DPP6: variants seen among roughly 807,000 people sequenced by gnomAD.
DPP6 encodes dipeptidyl peptidase like 6, also known as A-type potassium channel modulatory protein DPP6.
A neutral mutation model predicts 122.6 loss-of-function variants in DPP6; 69 were observed. The observed-to-expected ratio is 0.56, with a 90% confidence interval of 0.46 to 0.69. The LOEUF (loss-of-function observed/expected upper bound fraction) is 0.69, where lower values mean the gene tolerates loss of function less well. Among genes scored for constraint, DPP6 ranks in the 30% least tolerant of loss-of-function variants. DPP6 has a pLI of 0.00. For synonymous variants in DPP6, 418 were observed against 433.1 expected (o/e 0.97, Z 0.43); for missense variants, 928 against 1,116.9 (o/e 0.83, Z 2.41).
At position 154,875,918 on chromosome 7, in the gene DPP6, A is replaced by G. The variant is rs2293353; in HGVS notation, c.1896A>G (p.Pro632=). 848,182 of 1,608,216 alleles carry G rather than the reference A, an allele frequency of 0.53. 226,756 individuals carry two copies. Among genetic ancestry groups the G allele is most frequent in the African/African-American group, 0.75 (55,791 of 74,874 alleles). Residue 632 remains proline, a synonymous_variant, in exon 20 of 26, where the codon CCA becomes CCG. Coordinates refer to ENST00000377770, the MANE Select transcript of DPP6 (RefSeq NM_130797.4). This position sits in a 1 kb window ranked among gnomAD's most constrained non-coding sequence, Gnocchi z 4.5. ...YPLLLVVDGT[P]GSQSVAEKFE... ...ATTCTCTTTCCAGGGATGGCACCCCAGGCAGCCAGAGTGTGGCTGAGAAGT... is the reference window on the plus strand; with the variant it reads ...ATTCTCTTTCCAGGGATGGCACCCCGGGCAGCCAGAGTGTGGCTGAGAAGT...
At chr7:154,209,076 A>C (rs775139578) in intron 1 of DPP6, among the ~76,000 whole-genome samples, 12 of 152,190 alleles carry the variant, frequency 7.9e-5, no homozygotes, top group Non-Finnish European at 1.3e-4. Context: ...AACTTAAAGA[A>C]ATGTGTTGTA....
intron 7 of DPP6, among the ~76,000 whole-genome samples, chr7:154,693,079 A>C (rs181761799): frequency 2.0e-5 from 3 of 150,796 alleles, no homozygotes; most frequent in Admixed American, 1.3e-4. Flanking sequence ...GGTGTGAGCC[A>C]CTGGGCCTGG....
intron 1 of DPP6, among the ~76,000 whole-genome samples, chr7:154,278,752 TCA>T (rs1310306029): frequency 6.6e-6 from 1 of 152,204 alleles, no homozygotes; most frequent in African/African-American, 2.4e-5. Flanking sequence ...CCTCATTAAA[TCA>T]CAGTCCTTTA....
chr7:153,807,475 G>A, the DPP6 span, among the ~76,000 whole-genome samples: 2 of 151,826 alleles, frequency 1.3e-5, no homozygotes, highest in South Asian at 4.2e-4. Context: ...ATATGAATAG[G>A]GTTTTGGAGA....
chr7:154,885,656 C>T lies in DPP6; in HGVS notation c.2157C>T (p.Thr719=). 1 of 1,584,016 alleles carries T rather than the reference C, an allele frequency of 6.3e-7. No homozygotes were observed. Among genetic ancestry groups the T allele is most frequent in the Non-Finnish European group, 8.6e-7 (1 of 1,165,298 alleles). Residue 719 remains threonine (T), a synonymous_variant, in exon 22 of 26, where the codon ACC becomes ACT. Transcript: ENST00000377770. ...AGGATTACGGTGGCTACCTGAGCAC[C>T]TACATCCTCCCAGCAAAGGGAGAAA... is the stretch of plus-strand genomic sequence containing the variant. ...FGKDYGGYLS[T]YILPAKGENQ... is the part of the protein sequence containing the mutation.
At chr7:154,338,766 T>C (rs1219517291) in intron 1 of DPP6, among the ~76,000 whole-genome samples, 1 of 152,240 alleles carries the variant, frequency 6.6e-6, no homozygotes, top group African/African-American at 2.4e-5. Flanking sequence ...TCACACTGAA[T>C]GCCCTCTTTA....
chr7:153,881,982 C>G, the DPP6 span, among the ~76,000 whole-genome samples: 2 of 152,120 alleles, frequency 1.3e-5, no homozygotes, highest in Admixed American at 1.3e-4. Flanking sequence ...CACCAGACAC[C>G]GTGAGATCCT....
chr7:153,831,811 A>C, the DPP6 span, among the ~76,000 whole-genome samples: 1 of 152,198 alleles, frequency 6.6e-6, no homozygotes, highest in South Asian at 2.1e-4. Context: ...CGGGCCAAAG[A>C]CCAGAGAGGG....
At chr7:154,293,366 C>T (rs1433493906) in intron 1 of DPP6, among the ~76,000 whole-genome samples, 2 of 152,070 alleles carry the variant, frequency 1.3e-5, no homozygotes, top group South Asian at 4.2e-4. Context: ...TTCAGTGATC[C>T]CCAAGTGTTT....
At chr7:154,850,694 G>A (rs1012300925) in intron 16 of DPP6, among the ~76,000 whole-genome samples, 1 of 152,036 alleles carries the variant, frequency 6.6e-6, no homozygotes, top group East Asian at 1.9e-4. Context: ...ATGTTTTTAG[G>A]AATTTATCCA....
At chr7:154,320,755 G>A (rs560529568) in intron 1 of DPP6, among the ~76,000 whole-genome samples, 3 of 152,102 alleles carry the variant, frequency 2.0e-5, no homozygotes, top group Non-Finnish European at 4.4e-5. Context: ...CAACGTGCTG[G>A]GATTACAGGC....
the DPP6 span, among the ~76,000 whole-genome samples, chr7:153,832,388 G>A: frequency 5.9e-5 from 9 of 152,168 alleles, no homozygotes; most frequent in Non-Finnish European, 1.2e-4. Flanking sequence ...AATTTATGAC[G>A]CCTCCTTCTG....
At chr7:154,634,576 G>GGTT (rs1835612991) in intron 5 of DPP6, among the ~76,000 whole-genome samples, 1 of 151,950 alleles carries the variant, frequency 6.6e-6, no homozygotes, top group East Asian at 1.9e-4. Flanking sequence ...TTTGGTTTGG[G>GGTT]GGTTTCTTGC....
At chr7:154,565,527 C>CT (rs966354603) in intron 4 of DPP6, among the ~76,000 whole-genome samples, 11 of 151,494 alleles carry the variant, frequency 7.3e-5, no homozygotes, top group African/African-American at 1.9e-4. Context: ...TATGATGTCA[C>CT]TTTTTTTTTC....
chr7:154,041,854 G>A (rs976434113), intron 1 of DPP6, among the ~76,000 whole-genome samples: 3 of 152,082 alleles, frequency 2.0e-5, no homozygotes, highest in Non-Finnish European at 2.9e-5. Context: ...TGACTCCCTG[G>A]TTCAAGTGAT....
chr7:154,430,904 AGTT>A (rs1283352211), intron 1 of DPP6, among the ~76,000 whole-genome samples: 3 of 28,660 alleles, frequency 1.0e-4, no homozygotes, highest in Non-Finnish European at 1.7e-4. Context: ...TCTTTCGTTA[AGTT>A]AAGTCTTCCA....
chr7:154,409,632 A>C (rs976106380), intron 1 of DPP6, among the ~76,000 whole-genome samples: 4 of 152,102 alleles, frequency 2.6e-5, no homozygotes, highest in Admixed American at 2.0e-4. Flanking sequence ...ATGTACCTAC[A>C]CTTGTGATTT....
chr7:154,573,615 T>C (rs1831269795), intron 5 of DPP6, among the ~76,000 whole-genome samples: 1 of 152,250 alleles, frequency 6.6e-6, no homozygotes, highest in African/African-American at 2.4e-5. Context: ...CAGATTGTTT[T>C]GTCAGCATCT....
At chr7:154,516,614 C>T (rs1043901819) in intron 3 of DPP6, among the ~76,000 whole-genome samples, 1 of 152,174 alleles carries the variant, frequency 6.6e-6, no homozygotes, top group African/African-American at 2.4e-5. Context: ...ACTCTATCCT[C>T]TGATTTAACA....
Sources: gnomAD v4.1 joint callset for allele counts (sites outside exome capture counted in the v4.1 genomes callset) on GRCh38, gnomAD v4.1.1 for gene constraint, Gnocchi (gnomAD v3.1) non-coding constraint, MANE v1.5 for transcripts, NCBI Gene and HGNC (gene_info 2026-07-23, HGNC 2026-07-21) for gene names.